NSMAF: variants seen among roughly 807,000 people sequenced by gnomAD.
NSMAF encodes the protein protein FAN.
NSMAF carries 90 observed loss-of-function variants against 134.9 expected under a neutral mutation model. That is an observed-to-expected ratio of 0.67 (90% CI 0.56 to 0.79). NSMAF has a LOEUF of 0.79. NSMAF is among the 30% of genes least tolerant of loss of function. The pLI, the probability that NSMAF is intolerant of heterozygous loss-of-function variation, is 0.00. For missense variants in NSMAF, 1,010 were observed against 1,119.0 expected, an observed-to-expected ratio of 0.90 and a Z score of 1.39; for synonymous variants, 358 against 389.6, an observed-to-expected ratio of 0.92 and a Z score of 0.96.
At chr8:58,648,075 C>T (rs1807502313) in intron 1 of NSMAF, among the ~76,000 whole-genome samples, 1 of 152,146 alleles carries the variant, frequency 6.6e-6, no homozygotes, top group Admixed American at 6.5e-5. Flanking sequence ...GTCAGGCTGA[C>T]ACGGTCTCAG....
At chr8:58,594,159 C>T in intron 23 of NSMAF, 73 bp downstream of exon 23, 1 of 1,338,258 alleles carries the variant, frequency 7.5e-7, no homozygotes, top group Middle Eastern at 1.8e-4. Context: ...AGTCCTTGAC[C>T]ACGAGCTAAA....
At chr8:58,599,448 C>T (rs984330461) in intron 18 of NSMAF, 85 bp from the exon 19 acceptor site, 3 of 1,417,064 alleles carry the variant, frequency 2.1e-6, no homozygotes, top group African/African-American at 1.4e-5. Flanking sequence ...GTATATAAAG[C>T]TTCTAGGACA....
chr8:58,598,715 GT>G (rs1331262479), intron 19 of NSMAF, among the ~76,000 whole-genome samples: 1 of 152,016 alleles, frequency 6.6e-6, no homozygotes, highest in Non-Finnish European at 1.5e-5. Context: ...CTCCCTCCTT[GT>G]CAGTTACTCA....
At position 58,597,463 on chromosome 8, in the gene NSMAF, A is replaced by C; in HGVS notation, c.1716T>G (p.His572Gln). The change falls in exon 21 of 31, where the codon CAT (histidine) becomes CAG (glutamine). Residue 572 changes from histidine (H) to glutamine (Q), a missense_variant. Physicochemically the swap from His to Gln is conservative, Grantham distance 24. Transcript: ENST00000038176. ...QTPKQLFVTPHPRRITPKFKS... is the reference protein window; with the variant it reads ...QTPKQLFVTPQPRRITPKFKS... ...TAAACTTTGGGGTGATCCTTCGAGG[A>C]TGTGGTGTCACAAATAGTTGTTTTG... 1 of 1,614,116 alleles carries C rather than the reference A, an allele frequency of 6.2e-7. No homozygotes were observed. Among genetic ancestry groups the C allele is most frequent in the Non-Finnish European group, 8.5e-7 (1 of 1,179,928 alleles).
At chr8:58,639,966 A>C (rs1314171797) in intron 2 of NSMAF, 2 of 398,626 alleles carry the variant, frequency 5.0e-6, no homozygotes, top group African/African-American at 4.2e-5. Context: ...AATGGAACTT[A>C]CGAAAATTTT....
intron 11 of NSMAF, among the ~76,000 whole-genome samples, chr8:58,607,152 T>G (rs1334535500): frequency 1.3e-5 from 2 of 152,204 alleles, no homozygotes; most frequent in Admixed American, 6.5e-5. Flanking sequence ...GGAGAAAAAA[T>G]GAATTTCTAT....
intron 1 of NSMAF, chr8:58,659,295 G>C: frequency 2.0e-6 from 3 of 1,524,570 alleles, no homozygotes; most frequent in Non-Finnish European, 2.6e-6. Flanking sequence ...CTGCACTGCC[G>C]GATAGCTCGG....
At chr8:58,595,434 A>T (rs72647445) in intron 22 of NSMAF, 126 bp downstream of exon 22, 10,519 of 648,418 alleles carry the variant, frequency 0.016, 146 homozygotes, top group Non-Finnish European at 0.022. Flanking sequence ...GGAGATTTTT[A>T]AAAATAAAGA....
intron 1 of NSMAF, among the ~76,000 whole-genome samples, chr8:58,656,092 C>T (rs562343755): frequency 2.0e-5 from 3 of 151,970 alleles, no homozygotes; most frequent in East Asian, 4.0e-4. Context: ...CATCTCGGCT[C>T]ACTACAACCT....
At chr8:58,610,654 T>C (rs570115903) in intron 9 of NSMAF, among the ~76,000 whole-genome samples, 1 of 152,144 alleles carries the variant, frequency 6.6e-6, no homozygotes, top group South Asian at 2.1e-4. Flanking sequence ...CAACCTATGA[T>C]AGAAGTGAGT....
chr8:58,657,909 C>G (rs1807756641), intron 1 of NSMAF, among the ~76,000 whole-genome samples: 1 of 152,202 alleles, frequency 6.6e-6, no homozygotes. Context: ...TGAATTCTAA[C>G]AAAGCAGCAT....
At chr8:58,588,578 A>C (rs200523234) in intron 26 of NSMAF, 217,954 of 1,178,114 alleles carry the variant, frequency 0.19, 31,318 homozygotes, top group South Asian at 0.27. Flanking sequence ...TTGGGAAGCA[A>C]ATAGGCATCA....
chr8:58,595,694 C>A (rs746165266), intron 21 of NSMAF, 35 bp from the exon 22 acceptor site: 6 of 1,317,270 alleles, frequency 4.6e-6, no homozygotes, highest in Non-Finnish European at 6.6e-6. Context: ...GCTAAGTCAA[C>A]TAAGTTACCA....
chr8:58,656,994 C>T (rs1356742882), intron 1 of NSMAF, among the ~76,000 whole-genome samples: 6 of 152,006 alleles, frequency 3.9e-5, no homozygotes, highest in East Asian at 1.9e-4. Flanking sequence ...ATCTGAAATT[C>T]GAACTTAACT....
intron 12 of NSMAF, 38 bp downstream of exon 12, chr8:58,605,880 CAAAAAAAAA>C: frequency 3.1e-6 from 4 of 1,273,350 alleles, no homozygotes; most frequent in Non-Finnish European, 4.0e-6. Context: ...ACTCAGCCTC[CAAAAAAAAA>C]AAAAAAAGAA....
chr8:58,589,164 A>T (rs898108608), intron 26 of NSMAF, among the ~76,000 whole-genome samples: 12 of 148,056 alleles, frequency 8.1e-5, no homozygotes, highest in African/African-American at 2.9e-4. Context: ...GTATTATATA[A>T]ATAAAAATAT....
chr8:58,592,796 A>T (rs1806046659), intron 23 of NSMAF, among the ~76,000 whole-genome samples: 1 of 152,040 alleles, frequency 6.6e-6, no homozygotes, highest in Non-Finnish European at 1.5e-5. Flanking sequence ...CTGAGGCGGG[A>T]GAATCGCTTG....
chr8:58,584,924 G>C (rs1416656354), intron 30 of NSMAF, among the ~76,000 whole-genome samples: 1 of 152,216 alleles, frequency 6.6e-6, no homozygotes, highest in Non-Finnish European at 1.5e-5. Flanking sequence ...CACTGAGCCT[G>C]GCCCAGACTT....
At chr8:58,643,318 TC>T (rs1167590220) in intron 1 of NSMAF, among the ~76,000 whole-genome samples, 1 of 152,194 alleles carries the variant, frequency 6.6e-6, no homozygotes, top group Non-Finnish European at 1.5e-5. Context: ...GATGTACTAC[TC>T]TTTTACAGAA....
Sources: gnomAD v4.1 joint callset for allele counts (sites outside exome capture counted in the v4.1 genomes callset) on GRCh38, gnomAD v4.1.1 for gene constraint, MANE v1.5 for transcripts, NCBI Gene and HGNC (gene_info 2026-07-23, HGNC 2026-07-21) for gene names.